The following ENOX1 variants were observed in gnomAD, a reference collection of about 807,000 sequenced individuals.
ENOX1 encodes ecto-NOX disulfide-thiol exchanger 1, also known as candidate growth-related and time keeping constitutive hydroquinone (NADH) oxidase.
ENOX1 carries 42 observed loss-of-function variants against 82.5 expected under a neutral mutation model. The observed-to-expected ratio is 0.51, with a 90% CI of 0.40 to 0.66. ENOX1 has a LOEUF of 0.66. Ranked by LOEUF, ENOX1 falls within the 30% of genes least tolerant of loss-of-function variation. The probability of loss-of-function intolerance (pLI) is 0.00; values close to 1 mark genes in which losing one functional copy is unlikely to be tolerated. For synonymous variants in ENOX1, 271 were observed against 282.2 expected, an observed-to-expected ratio of 0.96 and a Z score of 0.40; for missense variants, 608 against 811.6, an observed-to-expected ratio of 0.75 and a Z score of 3.05.
chr13:43,768,826 A>G (rs1951431454), intron 1 of ENOX1, among the ~76,000 whole-genome samples: 1 of 152,168 alleles, frequency 6.6e-6, no homozygotes, highest in South Asian at 2.1e-4. Context: ...GTCATTGTCA[A>G]TCCGATTTCC....
intron 2 of ENOX1, among the ~76,000 whole-genome samples, chr13:43,616,174 C>CTATATAGATAGATATCTATATAGATAGA (rs1555341808): frequency 1.1e-4 from 1 of 9,280 alleles, no homozygotes; most frequent in Non-Finnish European, 2.9e-4. Context: ...ATCTATCTAT[C>CTATATAGATAGATATCTATATAGATAGA]TATCTATCTA....
intron 2 of ENOX1, among the ~76,000 whole-genome samples, chr13:43,517,397 C>T (rs528888513): frequency 6.6e-6 from 1 of 152,208 alleles, no homozygotes; most frequent in African/African-American, 2.4e-5. Flanking sequence ...ATTTGGGAAG[C>T]TGAGGCAGAA....
intron 3 of ENOX1, among the ~76,000 whole-genome samples, chr13:43,482,188 A>G (rs1468328841): frequency 6.6e-6 from 1 of 152,172 alleles, no homozygotes; most frequent in Non-Finnish European, 1.5e-5. Context: ...ATATTTACAC[A>G]CTCATGTTCA....
At chr13:43,222,138 A>C (rs1593406159) in intron 16 of ENOX1, among the ~76,000 whole-genome samples, 2 of 152,256 alleles carry the variant, frequency 1.3e-5, no homozygotes, top group South Asian at 4.2e-4. Context: ...TAAAAGTACC[A>C]GTCTGCGATG....
At chr13:43,625,282 T>C (rs2082914520) in intron 2 of ENOX1, among the ~76,000 whole-genome samples, 1 of 152,014 alleles carries the variant, frequency 6.6e-6, no homozygotes, top group South Asian at 2.1e-4. Flanking sequence ...ATATTCTATA[T>C]ACACAATCAT....
rs769737189 is a variant in ENOX1, at chr13:43,641,529, A to ATTTTTTTTTTTTTT, written c.-219+25936_-219+25949dup. On this transcript the variant is annotated intron_variant, in intron 2 of 16. Coordinates refer to ENST00000690772, the MANE Select transcript of ENOX1 (RefSeq NM_001347969.2). ...AGTAACAGAGTAACATTAATTTTTA[A>ATTTTTTTTTTTTTT]TTTTTTTTTTTTTTTTTTTTTTTTG... 4.5e-4 allele frequency among the ~76,000 whole-genome samples: 37 copies of ATTTTTTTTTTTTTT among 83,094 alleles called. 3 individuals carry two copies. Among genetic ancestry groups the ATTTTTTTTTTTTTT allele is most frequent in the Middle Eastern group, 0.015 (1 of 68 alleles). The allele number at this position is 83,094 out of a possible 152,430, so 54.5% of individuals were successfully genotyped here.
intron 2 of ENOX1, among the ~76,000 whole-genome samples, chr13:43,657,862 G>A (rs1223615244): frequency 6.6e-6 from 1 of 152,114 alleles, no homozygotes; most frequent in Non-Finnish European, 1.5e-5. Flanking sequence ...TTAATTACTT[G>A]ATAGGAAAAA....
intron 2 of ENOX1, among the ~76,000 whole-genome samples, chr13:43,580,609 A>G (rs2080674237): frequency 6.6e-6 from 1 of 152,184 alleles, no homozygotes; most frequent in South Asian, 2.1e-4. Flanking sequence ...GCTGTTGCAA[A>G]TCCTATATAC....
At chr13:43,537,591 T>C (rs1455453402) in intron 2 of ENOX1, among the ~76,000 whole-genome samples, 1 of 152,242 alleles carries the variant, frequency 6.6e-6, no homozygotes, top group East Asian at 1.9e-4. Context: ...ATTTTCTATG[T>C]AGTTCTCTGC....
At chr13:43,640,833 G>A (rs1186116188) in intron 2 of ENOX1, among the ~76,000 whole-genome samples, 3 of 151,792 alleles carry the variant, frequency 2.0e-5, no homozygotes, top group African/African-American at 2.4e-5. Flanking sequence ...TATTTAATAT[G>A]CCTCCCAATT....
At chr13:43,249,146 C>A (rs562049447) in intron 14 of ENOX1, among the ~76,000 whole-genome samples, 1 of 129,738 alleles carries the variant, frequency 7.7e-6, no homozygotes, top group East Asian at 2.2e-4. Flanking sequence ...CCATGTTAAA[C>A]AAAAATGATC....
At chr13:43,254,458 G>C (rs914444888) in intron 14 of ENOX1, among the ~76,000 whole-genome samples, 5 of 151,876 alleles carry the variant, frequency 3.3e-5, no homozygotes, top group Admixed American at 2.0e-4. Flanking sequence ...ACCAAGTAGG[G>C]GCTTAGCTTT....
In ENOX1 at chr13:43,776,604, T is replaced by C. The variant is rs1951932702; in HGVS notation, c.-285+10048A>G. Reference sequence around the variant, plus strand: ...AAATGCAGAGAATTGACTACTCAGGTGATGGAGGTGCAGACAGCCTACCAC... The same window carrying C: ...AAATGCAGAGAATTGACTACTCAGGCGATGGAGGTGCAGACAGCCTACCAC... On this transcript the variant is annotated intron_variant, in intron 1 of 16. Coordinates refer to ENST00000690772, the MANE Select transcript of ENOX1 (RefSeq NM_001347969.2). Among the ~76,000 whole-genome samples, 4 of 152,224 alleles carry C rather than the reference T, an allele frequency of 2.6e-5. No individual in the cohort carries two copies. In the South Asian group the frequency reaches 8.3e-4, roughly 32 times the overall value.
rs574407276 is a variant in ENOX1 at position 43,237,827 on chromosome 13, C to T, written c.1612-1089G>A. On this transcript the variant is annotated intron_variant, in intron 14 of 16. Coordinates refer to ENST00000690772, the MANE Select transcript of ENOX1 (RefSeq NM_001347969.2). ...CATTCAAAGAAAAATAAACCCAGCA[C>T]ATGCCATCAAAACAGATCTTTGAGC... 2.0e-5 allele frequency among the ~76,000 whole-genome samples: 3 copies of T among 152,300 alleles called. No homozygotes were observed. The South Asian group carries it at 6.2e-4, about 32-fold the overall frequency.
chr13:43,665,997 A>C (rs2084957524), intron 2 of ENOX1, among the ~76,000 whole-genome samples: 1 of 151,136 alleles, frequency 6.6e-6, no homozygotes, highest in African/African-American at 2.4e-5. Context: ...GGTTCCACAC[A>C]AACTTTTTGG....
At position 43,684,406 on chromosome 13, in the gene ENOX1, G is replaced by A. The variant is rs117629391; in HGVS notation, c.-284-16862C>T. Among the ~76,000 whole-genome samples, 1,314 of 152,256 alleles carry A rather than the reference G, an allele frequency of 8.6e-3. 6 individuals are homozygous for A. Among genetic ancestry groups the A allele is most frequent in the Non-Finnish European group, 0.015 (993 of 68,012 alleles). Reference sequence around the variant, plus strand: ...CTAAAATTGAATTGTCTAGAGGAAGGTTTTAAATTAAGTAAGAAGATGAGC... The same window carrying A: ...CTAAAATTGAATTGTCTAGAGGAAGATTTTAAATTAAGTAAGAAGATGAGC... On this transcript the variant is annotated intron_variant, in intron 1 of 16. Coordinates refer to ENST00000690772, the MANE Select transcript of ENOX1 (RefSeq NM_001347969.2).
rs149539715 is a variant in ENOX1 at position 43,517,375 on chromosome 13, G to A, written c.-218-33223C>T. 4.6e-5 allele frequency among the ~76,000 whole-genome samples: 7 copies of A among 152,202 alleles called. No individual in the cohort carries two copies. In the East Asian group the frequency reaches 1.2e-3, roughly 25 times the overall value. Reference sequence around the variant, plus strand: ...TAGCTGGGCGTGGTGGTAGGTGCCTGTAACCCCAGCTATTTGGGAAGCTGA... The same window carrying A: ...TAGCTGGGCGTGGTGGTAGGTGCCTATAACCCCAGCTATTTGGGAAGCTGA... On this transcript the variant is annotated intron_variant, in intron 2 of 16. Transcript: ENST00000690772.
At chr13:43,297,987 TGTC>T (rs2046367765) in intron 12 of ENOX1, among the ~76,000 whole-genome samples, 1 of 152,252 alleles carries the variant, frequency 6.6e-6, no homozygotes, top group Non-Finnish European at 1.5e-5. Context: ...TAAAATCAGT[TGTC>T]GTGCTTTGAA....
intron 5 of ENOX1, among the ~76,000 whole-genome samples, chr13:43,407,018 C>G (rs945860445): frequency 2.0e-5 from 3 of 152,194 alleles, no homozygotes; most frequent in African/African-American, 7.2e-5. Flanking sequence ...GGGCAAGAAA[C>G]TTAAAACCTG....
Sources: gnomAD v4.1 joint callset for allele counts (sites outside exome capture counted in the v4.1 genomes callset) on GRCh38, gnomAD v4.1.1 for gene constraint, MANE v1.5 for transcripts, NCBI Gene and HGNC (gene_info 2026-07-23, HGNC 2026-07-21) for gene names.